Variants in SCP2 observed in about 807,000 individuals in gnomAD.
SCP2 encodes the protein SCP-2/3-oxoacyl-CoA thiolase.
A neutral mutation model predicts 71.4 loss-of-function variants in SCP2; 48 were observed. That is an observed-to-expected ratio of 0.67 (90% confidence interval 0.53 to 0.86). SCP2 has a LOEUF of 0.86. SCP2 is among the 40% of genes least tolerant of loss of function. The pLI is 0.00. For synonymous variants in SCP2, 220 were observed against 218.1 expected, an observed-to-expected ratio of 1.01 and a Z score of -0.08; for missense variants, 560 against 655.6, an observed-to-expected ratio of 0.85 and a Z score of 1.59.
intron 11 of SCP2, chr1:52,995,913 T>G: frequency 6.7e-7 from 1 of 1,491,504 alleles, no homozygotes; most frequent in Non-Finnish European, 8.9e-7. Flanking sequence ...GAGACGAGAG[T>G]TCAACAAGGC....
chr1:52,937,096 A>G (rs984451630), intron 1 of SCP2, among the ~76,000 whole-genome samples: 2 of 152,178 alleles, frequency 1.3e-5, no homozygotes, highest in African/African-American at 4.8e-5. Flanking sequence ...GGTAAGAGAT[A>G]TGTAAACTAA....
rs1259422771 is a variant in SCP2 at position 53,039,044 on chromosome 1, C to G, written c.1466C>G (p.Ser489Ter). 1.9e-6 allele frequency: 3 copies of G among 1,613,996 alleles called. No homozygotes were observed. In the African/African-American group the frequency reaches 4.0e-5, roughly 22 times the overall value. The change falls in exon 14 of 16, where the codon TCA becomes TGA. Residue 489 changes from serine to a stop codon, truncating the protein, a stop_gained and splice_region_variant. Transcript: ENST00000371514. LOFTEE classifies it high-confidence loss of function. ...KNGKGSVLPNSDKKADCTITM... is the reference protein window; with the variant it reads ...KNGKGSVLPN ...GGCAAAGGATCAGTGCTTCCTAACT[C>G]AGGTTAGTTTGGGAATGACTTCATT... is the stretch of plus-strand genomic sequence containing the variant.
At position 53,011,802 on chromosome 1, in the gene SCP2, C is replaced by T. The variant is rs146665362; in HGVS notation, c.1082-3088C>T. 3.8e-3 allele frequency among the ~76,000 whole-genome samples: 573 copies of T among 152,314 alleles called. 2 individuals are homozygous for T. The highest frequency in any genetic ancestry group is 7.2e-3 in the Non-Finnish European group (490 of 68,022). On this transcript the variant is annotated intron_variant, in intron 11 of 15. Coordinates refer to ENST00000371514, the MANE Select transcript of SCP2 (RefSeq NM_002979.5). ...TTGGGGGAAGCCCTCACCTTTCCGA[C>T]ATCTAGTCACAGAAGTGTGCTGTGA...
rs139051350 is a variant in SCP2 at position 53,016,635 on chromosome 1, CA to C, written c.1235+1594del. Among the ~76,000 whole-genome samples, 951 of 152,168 alleles carry C rather than the reference CA, an allele frequency of 6.2e-3. 16 individuals are homozygous for C. Among genetic ancestry groups the C allele is most frequent in the African/African-American group, 0.022 (914 of 41,514 alleles). ...AGGGGAAGGGCATTCCAAGTCTGTA[CA>C]ATAGGTATAGAAATTTGAAAATACA... On this transcript the variant is annotated intron_variant, in intron 12 of 15. Transcript: ENST00000371514.
intron 11 of SCP2, chr1:52,995,464 C>T (rs1425981425): frequency 1.6e-5 from 7 of 431,310 alleles, no homozygotes; most frequent in East Asian, 5.3e-5. Flanking sequence ...TGCTGACCTC[C>T]GCAAGTTGGC....
At chr1:53,034,439 G>A (rs116600724) in intron 13 of SCP2, among the ~76,000 whole-genome samples, 1,726 of 152,208 alleles carry the variant, frequency 0.011, 36 homozygotes, top group African/African-American at 0.039. Flanking sequence ...TGTGGTTGCC[G>A]GGGACTGAGG....
intron 12 of SCP2, among the ~76,000 whole-genome samples, chr1:53,016,238 C>T (rs182658522): frequency 2.6e-4 from 40 of 152,160 alleles, no homozygotes; most frequent in East Asian, 1.9e-3. Flanking sequence ...ATTTAAAGCC[C>T]GTCTCAAATA....
chr1:53,035,256 A>T (rs1309998406), intron 13 of SCP2, among the ~76,000 whole-genome samples: 1 of 152,188 alleles, frequency 6.6e-6, no homozygotes, highest in African/African-American at 2.4e-5. Flanking sequence ...CAAAATAAAC[A>T]TTAAAAGATT....
At chr1:53,036,792 A>G (rs1419280830) in intron 13 of SCP2, among the ~76,000 whole-genome samples, 2 of 151,598 alleles carry the variant, frequency 1.3e-5, no homozygotes, top group Non-Finnish European at 2.9e-5. Context: ...TACAAAACCC[A>G]TTTTTTTTCT....
chr1:53,047,347 C>T (rs1663885150), intron 14 of SCP2, among the ~76,000 whole-genome samples: 1 of 152,244 alleles, frequency 6.6e-6, no homozygotes, highest in Non-Finnish European at 1.5e-5. Flanking sequence ...AAGCAAGTCA[C>T]AGGTTCTACT....
chr1:53,027,440 T>C (rs1662213028), intron 12 of SCP2, among the ~76,000 whole-genome samples: 1 of 152,212 alleles, frequency 6.6e-6, no homozygotes, highest in South Asian at 2.1e-4. Flanking sequence ...GTTTACTGTA[T>C]TTTCAAGAAA....
intron 10 of SCP2, among the ~76,000 whole-genome samples, chr1:52,987,416 G>A (rs1054281873): frequency 7.2e-5 from 11 of 152,088 alleles, no homozygotes; most frequent in African/African-American, 2.7e-4. Flanking sequence ...AAATAGATGT[G>A]GAAGACAATT....
intron 12 of SCP2, among the ~76,000 whole-genome samples, chr1:53,019,831 T>A (rs1308039515): frequency 6.6e-6 from 1 of 152,244 alleles, no homozygotes; most frequent in African/African-American, 2.4e-5. Flanking sequence ...TAAAACTAGT[T>A]AAATGTCACT....
intron 1 of SCP2, among the ~76,000 whole-genome samples, chr1:52,934,644 T>G (rs185010868): frequency 0.032 from 3,955 of 123,262 alleles, 265 homozygotes; most frequent in African/African-American, 0.11. Context: ...ACGGAGTCTC[T>G]CTCTGTCCCC....
intron 11 of SCP2, among the ~76,000 whole-genome samples, chr1:52,992,296 ATTT>A (rs1392204931): frequency 3.3e-5 from 5 of 152,034 alleles, no homozygotes; most frequent in African/African-American, 1.2e-4. Context: ...ATATAAAAAT[ATTT>A]GTTAACTAGT....
chr1:52,948,519 G>A (rs887167583), intron 3 of SCP2, among the ~76,000 whole-genome samples: 30 of 151,690 alleles, frequency 2.0e-4, no homozygotes, highest in African/African-American at 6.3e-4. Flanking sequence ...CAGCTACTCA[G>A]GAGGGAGAGG....
At chr1:52,940,028 A>G (rs963778937) in intron 1 of SCP2, among the ~76,000 whole-genome samples, 1 of 152,164 alleles carries the variant, frequency 6.6e-6, no homozygotes, top group African/African-American at 2.4e-5. Flanking sequence ...TATCCTTGCC[A>G]GCATTTGATG....
At chr1:53,043,548 A>G (rs1001047985) in intron 14 of SCP2, among the ~76,000 whole-genome samples, 1 of 152,254 alleles carries the variant, frequency 6.6e-6, no homozygotes, top group Non-Finnish European at 1.5e-5. Context: ...AGGAATCTGC[A>G]TTCAGATGTA....
intron 6 of SCP2, among the ~76,000 whole-genome samples, chr1:52,961,986 C>T (rs1007823371): frequency 6.6e-6 from 1 of 152,152 alleles, no homozygotes; most frequent in Non-Finnish European, 1.5e-5. Context: ...ACTGCAACTT[C>T]CATCTCCCAG....
Sources: gnomAD v4.1 joint callset for allele counts (sites outside exome capture counted in the v4.1 genomes callset) on GRCh38, gnomAD v4.1.1 for gene constraint, MANE v1.5 for transcripts, NCBI Gene and HGNC (gene_info 2026-07-23, HGNC 2026-07-21) for gene names.